Variants in CCNY observed in about 807,000 individuals in gnomAD.
CCNY encodes cyclin Y, also known as cyclin-Y.
In CCNY, 19 loss-of-function variants were observed where a neutral mutation model predicts 42.8. That is an observed-to-expected ratio of 0.44 (90% confidence interval 0.31 to 0.65). CCNY has a LOEUF of 0.65. Ranked by LOEUF, CCNY falls within the 30% of genes least tolerant of loss-of-function variation. The pLI is 0.07. For synonymous variants in CCNY, 165 were observed against 162.7 expected, an observed-to-expected ratio of 1.01 and a Z score of -0.11; for missense variants, 370 against 437.3, an observed-to-expected ratio of 0.85 and a Z score of 1.37.
intron 3 of CCNY, among the ~76,000 whole-genome samples, chr10:35,270,858 T>C (rs1004489751): frequency 1.3e-5 from 2 of 151,700 alleles, no homozygotes; most frequent in African/African-American, 2.4e-5. Flanking sequence ...CCCAAGTAGC[T>C]GGGACTACAG....
chr10:35,473,601 T>G (rs937026660), intron 1 of CCNY, among the ~76,000 whole-genome samples: 8 of 152,216 alleles, frequency 5.3e-5, no homozygotes, highest in African/African-American at 1.9e-4. Flanking sequence ...GAACAATTAG[T>G]GTTTAGATTA....
intron 2 of CCNY, among the ~76,000 whole-genome samples, chr10:35,485,132 T>A (rs1839756362): frequency 6.6e-6 from 1 of 152,242 alleles, no homozygotes; most frequent in South Asian, 2.1e-4. Context: ...AAAGGGAAAG[T>A]AACCAATACC....
At chr10:35,433,314 A>G (rs1838454761) in intron 1 of CCNY, among the ~76,000 whole-genome samples, 1 of 152,154 alleles carries the variant, frequency 6.6e-6, no homozygotes, top group South Asian at 2.1e-4. Context: ...CTCAGCTTTT[A>G]AATTTACTTT....
intron 3 of CCNY, among the ~76,000 whole-genome samples, chr10:35,273,211 T>A (rs1166768395): frequency 6.6e-6 from 1 of 152,010 alleles, no homozygotes; most frequent in Non-Finnish European, 1.5e-5. Context: ...AATTAACTTT[T>A]TTTTTTTTGA....
chr10:35,507,871 C>T (rs763805788), intron 3 of CCNY, among the ~76,000 whole-genome samples: 5 of 151,856 alleles, frequency 3.3e-5, no homozygotes, highest in Non-Finnish European at 5.9e-5. Context: ...ACATTTACAG[C>T]CAGAATACTA....
chr10:35,495,063 G>T (rs894080774), intron 2 of CCNY, among the ~76,000 whole-genome samples: 1 of 152,150 alleles, frequency 6.6e-6, no homozygotes, highest in African/African-American at 2.4e-5. Flanking sequence ...CTCAAATAAT[G>T]CAGAATTTCA....
At chr10:35,426,227 A>T (rs957367192) in intron 1 of CCNY, among the ~76,000 whole-genome samples, 1 of 150,210 alleles carries the variant, frequency 6.7e-6, no homozygotes, top group Non-Finnish European at 1.5e-5. Flanking sequence ...ACAAGCATAC[A>T]TGCCCATTCA....
chr10:35,506,098 G>C (rs16936089), intron 3 of CCNY, among the ~76,000 whole-genome samples: 2,749 of 152,340 alleles, frequency 0.018, 69 homozygotes, highest in African/African-American at 0.053. Flanking sequence ...CTCTGGAATA[G>C]AATGAGAGTT....
chr10:35,283,652 C>G (rs913727080), intron 3 of CCNY, among the ~76,000 whole-genome samples: 3 of 152,158 alleles, frequency 2.0e-5, no homozygotes, highest in African/African-American at 7.2e-5. Context: ...ATCCACCAGC[C>G]TTGGCCTCCC....
chr10:35,262,034 T>C (rs1361509816), intron 3 of CCNY, among the ~76,000 whole-genome samples: 4 of 144,702 alleles, frequency 2.8e-5, no homozygotes, highest in African/African-American at 1.1e-4. Context: ...AAAAATAAAA[T>C]AAAATAAAAA....
intron 3 of CCNY, among the ~76,000 whole-genome samples, chr10:35,502,517 C>A (rs1405235491): frequency 1.3e-5 from 2 of 152,172 alleles, no homozygotes; most frequent in African/African-American, 4.8e-5. Context: ...TGGGCCCTTA[C>A]ACTCAAGGGA....
At chr10:35,377,033 CA>C (rs1007687774) in intron 1 of CCNY, among the ~76,000 whole-genome samples, 39 of 152,122 alleles carry the variant, frequency 2.6e-4, no homozygotes, top group Non-Finnish European at 1.5e-4. Flanking sequence ...AGTTAGGCAC[CA>C]CATAATGATG....
chr10:35,300,427 T>C (rs1383713577), intron 3 of CCNY, among the ~76,000 whole-genome samples: 1 of 152,000 alleles, frequency 6.6e-6, no homozygotes, highest in Admixed American at 6.6e-5. Flanking sequence ...GGGTTACAGT[T>C]CTGCTTTGTC....
intron 1 of CCNY, among the ~76,000 whole-genome samples, chr10:35,411,907 C>T (rs12774872): frequency 0.29 from 43,576 of 152,162 alleles, 6,561 homozygotes; most frequent in East Asian, 0.35. Flanking sequence ...CACTGTCTCA[C>T]TGGCTTTTCC....
chr10:35,490,679 T>C (rs1409921630), intron 2 of CCNY, among the ~76,000 whole-genome samples: 2 of 152,150 alleles, frequency 1.3e-5, no homozygotes, highest in Admixed American at 6.5e-5. Context: ...GGAAAGTCCA[T>C]AGGACAAAGA....
intron 1 of CCNY, among the ~76,000 whole-genome samples, chr10:35,404,277 T>A (rs1487347222): frequency 1.3e-5 from 2 of 152,172 alleles, no homozygotes; most frequent in Non-Finnish European, 2.9e-5. Context: ...ACAGAAAGGC[T>A]ACAGGGCGTG....
upstream of CCNY, among the ~76,000 whole-genome samples, chr10:35,335,016 T>C (rs981461444): frequency 2.0e-5 from 3 of 152,018 alleles, no homozygotes; most frequent in Non-Finnish European, 2.9e-5. Context: ...ACTATTGTAC[T>C]AGTTTTTTTT....
intron 1 of CCNY, among the ~76,000 whole-genome samples, chr10:35,364,014 A>G (rs962546719): frequency 6.6e-6 from 1 of 152,230 alleles, no homozygotes; most frequent in Non-Finnish European, 1.5e-5. Flanking sequence ...TGTGTTTACA[A>G]ACTTTATTTT....
At chr10:35,304,776 C>T (rs1258992391) in intron 3 of CCNY, among the ~76,000 whole-genome samples, 1 of 152,180 alleles carries the variant, frequency 6.6e-6, no homozygotes, top group Non-Finnish European at 1.5e-5. Flanking sequence ...ATGCCAGTGG[C>T]ATCCCCTAGT....
Sources: gnomAD v4.1 joint callset for allele counts (sites outside exome capture counted in the v4.1 genomes callset) on GRCh38, gnomAD v4.1.1 for gene constraint, MANE v1.5 for transcripts, NCBI Gene and HGNC (gene_info 2026-07-23, HGNC 2026-07-21) for gene names.